The following METAP2 variants were observed in gnomAD, a reference collection of about 807,000 sequenced individuals.
The protein encoded by METAP2 is methionine aminopeptidase 2.
Under a neutral mutation model 59.4 loss-of-function variants are expected in METAP2, and 25 were observed. The observed-to-expected ratio is 0.42, with a 90% CI of 0.31 to 0.59. The LOEUF (loss-of-function observed/expected upper bound fraction) is 0.59, where lower values mean the gene tolerates loss of function less well. Among genes scored for constraint, METAP2 ranks in the 20% least tolerant of loss-of-function variants. The probability of loss-of-function intolerance (pLI) is 0.16; values close to 1 mark genes in which losing one functional copy is unlikely to be tolerated. For synonymous variants in METAP2, 214 were observed against 194.1 expected, an observed-to-expected ratio of 1.10 and a Z score of -0.85; for missense variants, 366 against 581.2, an observed-to-expected ratio of 0.63 and a Z score of 3.81.
At chr12:95,501,463 A>C (rs1342776041) in intron 7 of METAP2, among the ~76,000 whole-genome samples, 1 of 152,230 alleles carries the variant, frequency 6.6e-6, no homozygotes, top group Non-Finnish European at 1.5e-5. Flanking sequence ...CATGCCTGTA[A>C]TCCCAGCACT....
chr12:95,508,162 A>T (rs911659571), intron 8 of METAP2, among the ~76,000 whole-genome samples: 16 of 152,020 alleles, frequency 1.1e-4, no homozygotes, highest in East Asian at 1.9e-4. Context: ...ACATGATTTA[A>T]ATTTACTATG....
intron 3 of METAP2, among the ~76,000 whole-genome samples, chr12:95,484,501 A>T (rs895665243): frequency 6.6e-6 from 1 of 152,094 alleles, no homozygotes; most frequent in African/African-American, 2.4e-5. Flanking sequence ...TTAAAAAAAA[A>T]AAAAAGATAA....
intron 8 of METAP2, among the ~76,000 whole-genome samples, chr12:95,510,036 T>C (rs1308040718): frequency 6.6e-6 from 1 of 152,056 alleles, no homozygotes; most frequent in Admixed American, 6.6e-5. Context: ...GGGGTTTCAC[T>C]GTGTTGGCCA....
At chr12:95,504,253 C>T in intron 8 of METAP2, 92 bp downstream of exon 8, 2 of 824,942 alleles carry the variant, frequency 2.4e-6, no homozygotes, top group Non-Finnish European at 3.9e-6. Context: ...ATGTTTCTAT[C>T]TTGGTAATTC....
chr12:95,499,416 C>T (rs1487951620), intron 7 of METAP2, among the ~76,000 whole-genome samples: 1 of 152,124 alleles, frequency 6.6e-6, no homozygotes, highest in Non-Finnish European at 1.5e-5. Flanking sequence ...GCTGGGATTA[C>T]AGGCATGAAC....
intron 1 of METAP2, among the ~76,000 whole-genome samples, chr12:95,475,706 A>T (rs2076113405): frequency 6.6e-6 from 1 of 152,194 alleles, no homozygotes; most frequent in African/African-American, 2.4e-5. Context: ...GGGGTGTTGC[A>T]CATGAATCTT....
At chr12:95,474,823 G>T (rs2076106006) in intron 1 of METAP2, among the ~76,000 whole-genome samples, 1 of 152,126 alleles carries the variant, frequency 6.6e-6, no homozygotes, top group South Asian at 2.1e-4. Context: ...TTTCACGTTG[G>T]GGTTGTTGCA....
chr12:95,476,236 G>T, intron 2 of METAP2, 58 bp downstream of exon 2: 1 of 1,133,836 alleles, frequency 8.8e-7, no homozygotes, highest in South Asian at 1.4e-5. Context: ...GCCGGGTGTG[G>T]TGGCACACAC....
At chr12:95,498,454 ATTTTTTCTT>A (rs1232342613) in intron 7 of METAP2, among the ~76,000 whole-genome samples, 2 of 152,058 alleles carry the variant, frequency 1.3e-5, no homozygotes, top group South Asian at 2.1e-4. Context: ...CAGTTTGTCT[ATTTTTTCTT>A]TTGTTGCCTG....
In METAP2 at chr12:95,494,189, A is replaced by C; in HGVS notation, c.562A>C (p.Lys188Gln). 1 of 1,613,642 alleles carries C rather than the reference A, an allele frequency of 6.2e-7. No individual in the cohort carries two copies. The highest frequency in any genetic ancestry group is 8.5e-7 in the Non-Finnish European group (1 of 1,179,824). ...TAGAAAATACGTAATGAGCTGGATC[A>C]AGCCTGGGATGACAATGATAGAAAT... ...QVRKYVMSWI[K>Q]PGMTMIEICE... is the part of the protein sequence containing the mutation. Residue 188 changes from lysine to glutamine, a missense_variant, in exon 5 of 11, where the codon AAG (lysine) becomes CAG (glutamine). By Grantham distance (53) the Lys-to-Gln change is moderately conservative. Transcript: ENST00000323666.
intron 7 of METAP2, among the ~76,000 whole-genome samples, chr12:95,500,932 G>A (rs1259514618): frequency 7.2e-6 from 1 of 138,248 alleles, no homozygotes; most frequent in Non-Finnish European, 1.5e-5. Context: ...AAAGTTTGAG[G>A]AGGTATTAGT....
chr12:95,512,706 G>A, intron 9 of METAP2, 95 bp from the exon 10 acceptor site: 1 of 702,274 alleles, frequency 1.4e-6, no homozygotes, highest in Non-Finnish European at 2.4e-6. Flanking sequence ...GAGAGACTCT[G>A]TCTCAAAAAG....
Position 95,504,100 on chromosome 12 carries a change from T to C in METAP2, c.903T>C (p.Gly301=), listed in dbSNP as rs141569807. Residue 301 remains glycine (G), a synonymous_variant, in exon 8 of 11, where the codon GGT becomes GGC. Transcript: ENST00000323666. The part of the protein sequence containing the change: ...AGIDVRLCDV[G]EAIQEVMESY... ...TTGATGTTCGTCTGTGTGATGTTGG[T>C]GAGGCCATCCAAGAAGTTATGGAGT... is the stretch of plus-strand genomic sequence containing the variant. 18 of 1,613,840 alleles carry C rather than the reference T, an allele frequency of 1.1e-5. No individual in the cohort carries two copies. Among genetic ancestry groups the C allele is most frequent in the Non-Finnish European group, 1.5e-5 (18 of 1,179,882 alleles).
rs1312706862 is a variant in METAP2, at chr12:95,514,675, GT to G, written c.*774del. On this transcript the variant is annotated 3_prime_UTR_variant, in exon 11 of 11. Coordinates refer to ENST00000323666, the MANE Select transcript of METAP2 (RefSeq NM_006838.4). ...ACCTTGATTTAGTAAAAATCTCAAT[GT>G]TTAGATCCTTTGTCCAGTGGTGGTG... 1 of 151,802 alleles carries G rather than the reference GT, an allele frequency of 6.6e-6. No homozygotes were observed. The highest frequency in any genetic ancestry group is 1.5e-5 in the Non-Finnish European group (1 of 67,992). The allele number at this position is 151,802 out of a possible 1,614,324, so 9.4% of individuals were successfully genotyped here.
At chr12:95,492,897 A>C (rs1355141247) in intron 4 of METAP2, among the ~76,000 whole-genome samples, 2 of 152,320 alleles carry the variant, frequency 1.3e-5, no homozygotes, top group African/African-American at 4.8e-5. Flanking sequence ...AGTGTTACTT[A>C]GCTTTGCCAT....
intron 8 of METAP2, among the ~76,000 whole-genome samples, chr12:95,504,464 C>T (rs767731840): frequency 1.3e-5 from 2 of 152,150 alleles, no homozygotes; most frequent in Non-Finnish European, 2.9e-5. Context: ...CCATTGATGA[C>T]TTCTCATTGT....
intron 6 of METAP2, 111 bp downstream of exon 6, chr12:95,495,249 C>A: frequency 1.1e-6 from 1 of 891,062 alleles, no homozygotes; most frequent in Non-Finnish European, 1.7e-6. Context: ...CTTGCTTCCT[C>A]ATTTCATTAG....
chr12:95,511,800 TGAATAAATGC>T, intron 8 of METAP2, 85 bp from the exon 9 acceptor site: 1 of 777,306 alleles, frequency 1.3e-6, no homozygotes, highest in African/African-American at 1.8e-5. Flanking sequence ...ACCTGGTTTT[TGAATAAATGC>T]TTGAACTCTG....
At chr12:95,492,422 G>C (rs1023992427) in intron 4 of METAP2, among the ~76,000 whole-genome samples, 3 of 152,058 alleles carry the variant, frequency 2.0e-5, no homozygotes, top group Non-Finnish European at 4.4e-5. Context: ...CTTATAAGGA[G>C]TTTTGGGGGA....
Sources: allele counts gnomAD v4.1 joint callset (sites outside exome capture counted in the v4.1 genomes callset), GRCh38; gene constraint gnomAD v4.1.1; transcripts MANE v1.5; gene names NCBI Gene and HGNC (gene_info 2026-07-23, HGNC 2026-07-21).